RGS7: variants seen among roughly 807,000 people sequenced by gnomAD.
RGS7 encodes the protein regulator of G-protein signaling 7.
A neutral mutation model predicts 81.1 loss-of-function variants in RGS7; 27 were observed. The observed-to-expected ratio is 0.33, with a 90% CI of 0.25 to 0.46. RGS7 has a LOEUF of 0.46. RGS7 is among the 20% of genes least tolerant of loss of function. RGS7 has a pLI of 1.00. For synonymous variants in RGS7, 208 were observed against 207.7 expected (o/e 1.00, Z -0.01); for missense variants, 396 against 607.4 (o/e 0.65, Z 3.66).
chr1:241,009,588 TCAAATAGGAGGTAC>T (rs528779292), intron 3 of RGS7, among the ~76,000 whole-genome samples: 6 of 152,116 alleles, frequency 3.9e-5, no homozygotes, highest in Non-Finnish European at 8.8e-5. Flanking sequence ...AGGTTAGAGT[TCAAATAGGAGGTAC>T]CATTCAGATT....
At chr1:241,309,017 G>A (rs866945367) in intron 2 of RGS7, among the ~76,000 whole-genome samples, 6 of 152,092 alleles carry the variant, frequency 3.9e-5, no homozygotes, top group Non-Finnish European at 5.9e-5. Context: ...ACACAAACTG[G>A]TCATGGTATT....
intron 6 of RGS7, among the ~76,000 whole-genome samples, chr1:240,884,664 C>T (rs767206313): frequency 6.6e-6 from 1 of 152,146 alleles, no homozygotes; most frequent in Non-Finnish European, 1.5e-5. Context: ...GGAAAAGATT[C>T]CCTATTCAAT....
At chr1:241,156,696 G>T (rs1336079121) in intron 2 of RGS7, among the ~76,000 whole-genome samples, 1 of 151,982 alleles carries the variant, frequency 6.6e-6, no homozygotes, top group Non-Finnish European at 1.5e-5. Flanking sequence ...ACTACATCAG[G>T]GATTGACCCA....
Position 240,855,530 on chromosome 1 carries a change from G to A in RGS7, c.609+13057C>T, listed in dbSNP as rs565097945. On this transcript the variant is annotated intron_variant, in intron 9 of 18. Transcript: ENST00000440928. ...ACTGTGGCCTTGACCTCCCGGGCTC[G>A]AGTGATTTTATTTCACATTTCAGCA... Among the ~76,000 whole-genome samples, 4 of 151,024 alleles carry A rather than the reference G, an allele frequency of 2.6e-5. No homozygotes were observed. In the East Asian group the frequency reaches 6.0e-4, roughly 23 times the overall value.
intron 9 of RGS7, among the ~76,000 whole-genome samples, chr1:240,839,863 C>A (rs1572356855): frequency 6.6e-6 from 1 of 152,196 alleles, no homozygotes; most frequent in Non-Finnish European, 1.5e-5. Flanking sequence ...TTCTGCCTTT[C>A]AGTGAGTGCC....
At chr1:241,307,221 T>A (rs1309744850) in intron 2 of RGS7, among the ~76,000 whole-genome samples, 1 of 152,154 alleles carries the variant, frequency 6.6e-6, no homozygotes, top group African/African-American at 2.4e-5. Context: ...ATACTATGAG[T>A]GGGCCCTGAA....
chr1:240,882,128 C>A (rs111255311), intron 6 of RGS7, among the ~76,000 whole-genome samples: 1 of 151,930 alleles, frequency 6.6e-6, no homozygotes, highest in African/African-American at 2.4e-5. Flanking sequence ...TTGGCCAGGC[C>A]GGTCTTGAAC....
intron 18 of RGS7, among the ~76,000 whole-genome samples, chr1:240,797,140 G>C (rs190828612): frequency 5.0e-4 from 76 of 152,298 alleles, no homozygotes; most frequent in African/African-American, 1.8e-3. Flanking sequence ...TCTTCAGTCA[G>C]TGAAGAACTG....
chr1:241,233,961 C>T (rs908166787), intron 2 of RGS7, among the ~76,000 whole-genome samples: 5 of 152,130 alleles, frequency 3.3e-5, no homozygotes, highest in South Asian at 2.1e-4. Context: ...GATTATATCT[C>T]ACTTTGGCTT....
At chr1:241,227,833 A>C (rs1313053035) in intron 2 of RGS7, among the ~76,000 whole-genome samples, 1 of 152,210 alleles carries the variant, frequency 6.6e-6, no homozygotes, top group Non-Finnish European at 1.5e-5. Flanking sequence ...ACTCCTTATC[A>C]TGATTTTACT....
intron 3 of RGS7, among the ~76,000 whole-genome samples, chr1:241,063,910 G>A (rs6677139): frequency 0.024 from 3,606 of 152,142 alleles, 131 homozygotes; most frequent in African/African-American, 0.082. Context: ...AAAGCCGGGC[G>A]CGGTGGCTCA....
intron 2 of RGS7, among the ~76,000 whole-genome samples, chr1:241,108,173 G>T (rs758499326): frequency 6.6e-6 from 1 of 151,890 alleles, no homozygotes; most frequent in African/African-American, 2.4e-5. Context: ...GCGTAGTGAC[G>T]CGCGCCTGTA....
chr1:241,220,965 G>GAA (rs2074878151), intron 2 of RGS7, among the ~76,000 whole-genome samples: 1 of 48,948 alleles, frequency 2.0e-5, no homozygotes, highest in African/African-American at 5.3e-5. Context: ...AAGGAAGGAA[G>GAA]GAAGGAAGGA....
chr1:241,263,104 AAAAC>A (rs1362060745), intron 2 of RGS7, among the ~76,000 whole-genome samples: 1 of 151,706 alleles, frequency 6.6e-6, no homozygotes, highest in Non-Finnish European at 1.5e-5. Flanking sequence ...GTCTCAAAAC[AAAAC>A]AAACAAACAA....
chr1:240,849,310 G>A (rs1659662381), intron 9 of RGS7, among the ~76,000 whole-genome samples: 1 of 152,022 alleles, frequency 6.6e-6, no homozygotes, highest in Non-Finnish European at 1.5e-5. Context: ...TAACCTCAGG[G>A]CCTGGCTTTG....
chr1:241,087,479 C>T (rs1004286731), intron 3 of RGS7, among the ~76,000 whole-genome samples: 3 of 152,022 alleles, frequency 2.0e-5, no homozygotes, highest in South Asian at 4.2e-4. Flanking sequence ...TTAATGAACC[C>T]CTCTGATGTT....
intron 2 of RGS7, among the ~76,000 whole-genome samples, chr1:241,245,204 C>T (rs1232201548): frequency 6.6e-5 from 10 of 151,808 alleles, no homozygotes; most frequent in Admixed American, 6.6e-4. Flanking sequence ...AATTATAATC[C>T]CCAGTATTGG....
intron 3 of RGS7, among the ~76,000 whole-genome samples, chr1:241,048,720 C>T (rs930433330): frequency 6.6e-6 from 1 of 152,170 alleles, no homozygotes; most frequent in African/African-American, 2.4e-5. Flanking sequence ...TTTTCTGTTT[C>T]CCTGGTCTTT....
At chr1:240,788,191 G>A (rs4659577) in intron 18 of RGS7, among the ~76,000 whole-genome samples, 115,159 of 152,184 alleles carry the variant, frequency 0.76, 43,852 homozygotes, top group African/African-American at 0.79. Flanking sequence ...TTTCACAGAA[G>A]TATCTTTTTC....
Sources: gnomAD v4.1 joint callset for allele counts (sites outside exome capture counted in the v4.1 genomes callset) on GRCh38, gnomAD v4.1.1 for gene constraint, MANE v1.5 for transcripts, NCBI Gene and HGNC (gene_info 2026-07-23, HGNC 2026-07-21) for gene names.